Variants in UNC93A observed in about 807,000 individuals in gnomAD.
UNC93A encodes N-acetylglucosamine transporter UNC93A.
In UNC93A, 43 loss-of-function variants were observed where a neutral mutation model predicts 47.5. The observed-to-expected ratio is 0.91, with a 90% confidence interval of 0.71 to 1.17. The LOEUF is 1.17. Among genes scored for constraint, UNC93A ranks in the 50% most tolerant of loss-of-function variants. UNC93A has a pLI of 0.00. For synonymous variants in UNC93A, 280 were observed against 258.0 expected, an observed-to-expected ratio of 1.09 and a Z score of -0.82; for missense variants, 605 against 577.6, an observed-to-expected ratio of 1.05 and a Z score of -0.49.
In UNC93A at chr6:167,291,588, C is replaced by T. The variant is rs75156309; in HGVS notation, c.87+12C>T. 3,570 of 1,599,036 alleles carry T rather than the reference C, an allele frequency of 2.2e-3. 74 individuals are homozygous for T. The African/African-American group carries it at 0.041, about 18-fold the overall frequency. ...TGCAGAGCCTGCAGGTATGTGTGTC[C>T]GGTCATCAAATTACCTGAACTTCTT... On this transcript the variant is annotated intron_variant, in intron 1 of 7. Coordinates refer to ENST00000230256, the MANE Select transcript of UNC93A (RefSeq NM_018974.4).
chr6:167,269,564 C>T (rs1783418804), upstream of UNC93A, among the ~76,000 whole-genome samples: 2 of 152,054 alleles, frequency 1.3e-5, no homozygotes, highest in African/African-American at 4.8e-5. Flanking sequence ...AAGGAAAAAG[C>T]TTTATATTTT....
chr6:167,301,907 C>T (rs1450667317), intron 4 of UNC93A, among the ~76,000 whole-genome samples: 1 of 152,166 alleles, frequency 6.6e-6, no homozygotes, highest in African/African-American at 2.4e-5. Flanking sequence ...GCGTGACAAC[C>T]TGCCAGACCA....
intron 5 of UNC93A, among the ~76,000 whole-genome samples, chr6:167,305,279 AG>A (rs1562357456): frequency 6.6e-6 from 1 of 152,208 alleles, no homozygotes; most frequent in Non-Finnish European, 1.5e-5. Context: ...GGAGAATCTT[AG>A]GAGCTTAAAA....
At chr6:167,306,633 G>T (rs1045245433) in intron 6 of UNC93A, among the ~76,000 whole-genome samples, 1 of 152,252 alleles carries the variant, frequency 6.6e-6, no homozygotes, top group Non-Finnish European at 1.5e-5. Context: ...GGGTGTGGGG[G>T]CGCAGCCAGA....
In UNC93A at chr6:167,305,827, A is replaced by G. The variant is rs1327596392; in HGVS notation, c.841-88A>G. 2.5e-6 allele frequency: 4 copies of G among 1,582,780 alleles called. No individual in the cohort carries two copies. The African/African-American group carries it at 4.0e-5, about 16-fold the overall frequency. On this transcript the variant is annotated intron_variant, in intron 5 of 7. Transcript: ENST00000230256. ...ACTGGCCTGCTGGCCATCTCAGAGC[A>G]GATGTTCTAAGCACCCGACTGCAGC... is the stretch of plus-strand genomic sequence containing the variant.
intron 1 of UNC93A, among the ~76,000 whole-genome samples, chr6:167,283,016 A>G (rs989934898): frequency 3.9e-5 from 6 of 152,182 alleles, no homozygotes; most frequent in Non-Finnish European, 2.9e-5. Context: ...ATGAAGTCTC[A>G]TAGGTGGTAC....
intron 3 of UNC93A, among the ~76,000 whole-genome samples, chr6:167,296,629 T>A (rs1444961193): frequency 6.6e-6 from 1 of 152,230 alleles, no homozygotes; most frequent in East Asian, 1.9e-4. Flanking sequence ...TGATTTCTTT[T>A]CCCTGTGACT....
At chr6:167,314,563 G>T (rs73264890) in intron 7 of UNC93A, among the ~76,000 whole-genome samples, 3 of 152,296 alleles carry the variant, frequency 2.0e-5, no homozygotes, top group African/African-American at 7.2e-5. Flanking sequence ...AAATCCTGGG[G>T]CTCCAAAATC....
chr6:167,300,251 G>A (rs1778205308), intron 4 of UNC93A, among the ~76,000 whole-genome samples: 1 of 152,204 alleles, frequency 6.6e-6, no homozygotes, highest in Non-Finnish European at 1.5e-5. Flanking sequence ...TCATGTCAGG[G>A]ATGAGGCTCT....
At chr6:167,277,602 T>C (rs1783564407) in intron 1 of UNC93A, among the ~76,000 whole-genome samples, 1 of 151,778 alleles carries the variant, frequency 6.6e-6, no homozygotes, top group South Asian at 2.1e-4. Flanking sequence ...CACCGTTCTC[T>C]GGCTATCTCT....
intron 4 of UNC93A, among the ~76,000 whole-genome samples, chr6:167,301,412 A>C (rs4709160): frequency 3.3e-5 from 5 of 152,116 alleles, no homozygotes; most frequent in African/African-American, 9.7e-5. Flanking sequence ...AAGCAAGACC[A>C]TGTCTCCATA....
In UNC93A at chr6:167,303,967, TA is replaced by T; in HGVS notation, c.675del (p.Arg226GlufsTer35). 1.2e-6 allele frequency: 2 copies of T among 1,613,622 alleles called. No individual in the cohort carries two copies. The highest frequency in any genetic ancestry group is 1.7e-6 in the Non-Finnish European group (2 of 1,179,942). On this transcript the variant is annotated frameshift_variant, in exon 5 of 8. Transcript: ENST00000230256. LOFTEE classifies it high-confidence loss of function. ...ATGATAGCTGCGTTCCTCCAACCCATACGAGATGTTCAGCGGGAAAGTGAAG... is the reference window on the plus strand; with the variant it reads ...ATGATAGCTGCGTTCCTCCAACCCATCGAGATGTTCAGCGGGAAAGTGAAG... ...VLMIAAFLQP[I>X]RDVQRESEGE...
intron 3 of UNC93A, among the ~76,000 whole-genome samples, 182 bp from the exon 4 acceptor site, chr6:167,297,763 G>A (rs544094143): frequency 1.7e-4 from 26 of 152,250 alleles, no homozygotes; most frequent in Admixed American, 1.4e-3. Context: ...ATCGAGTCTA[G>A]GGACATGTGC....
At chr6:167,279,944 C>T (rs780208200) in intron 1 of UNC93A, among the ~76,000 whole-genome samples, 3 of 152,112 alleles carry the variant, frequency 2.0e-5, no homozygotes, top group Non-Finnish European at 4.4e-5. Context: ...ACATGAATTA[C>T]CTAGAAAACA....
intron 1 of UNC93A, among the ~76,000 whole-genome samples, chr6:167,285,149 C>A (rs930529277): frequency 1.3e-5 from 2 of 151,906 alleles, no homozygotes; most frequent in Admixed American, 6.6e-5. Context: ...GTGTGGTTAC[C>A]TGCCCGAGAG....
At chr6:167,269,832 G>T (rs1783422587), upstream of UNC93A, among the ~76,000 whole-genome samples, 8 of 151,984 alleles carry the variant, frequency 5.3e-5, no homozygotes, top group Admixed American at 5.2e-4. Context: ...GGCCAGGATG[G>T]TCTCTATCTC....
Position 167,291,679 on chromosome 6 carries a change from T to A in UNC93A, c.87+103T>A. On this transcript the variant is annotated intron_variant, in intron 1 of 7. Coordinates refer to ENST00000230256, the MANE Select transcript of UNC93A (RefSeq NM_018974.4). The stretch of plus-strand genomic sequence containing the variant: ...GGAAATTTGAAAAATCTAATTCACC[T>A]GGTGTTTCTTTTTCACTCTGTACCA... The A allele has an allele frequency of 4.5e-6, 5 of 1,106,210 alleles. 1 individual carries two copies. Among genetic ancestry groups the A allele is most frequent in the Non-Finnish European group, 6.5e-6 (5 of 765,170 alleles). The allele number at this position is 1,106,210 out of a possible 1,614,324, so 68.5% of individuals were successfully genotyped here.
intron 3 of UNC93A, among the ~76,000 whole-genome samples, chr6:167,296,645 C>T (rs1332960763): frequency 6.6e-6 from 1 of 152,218 alleles, no homozygotes; most frequent in African/African-American, 2.4e-5. Context: ...TGACTTGATA[C>T]AATGACCAGA....
intron 7 of UNC93A, among the ~76,000 whole-genome samples, chr6:167,311,103 C>T (rs1778543806): frequency 6.6e-6 from 1 of 152,196 alleles, no homozygotes; most frequent in African/African-American, 2.4e-5. Flanking sequence ...GAACAGCTCT[C>T]TTCATTTTTG....
Sources: gnomAD v4.1 joint callset for allele counts (sites outside exome capture counted in the v4.1 genomes callset) on GRCh38, gnomAD v4.1.1 for gene constraint, MANE v1.5 for transcripts, NCBI Gene and HGNC (gene_info 2026-07-23, HGNC 2026-07-21) for gene names.